Variants in PPP1R7 observed in about 807,000 individuals in gnomAD.
PPP1R7 encodes the protein protein phosphatase 1 regulatory subunit 22.
PPP1R7 carries 18 observed loss-of-function variants against 45.2 expected under a neutral mutation model. The observed-to-expected ratio is 0.40, with a 90% CI of 0.28 to 0.59. PPP1R7 has a LOEUF of 0.59. Among genes scored for constraint, PPP1R7 ranks in the 20% least tolerant of loss-of-function variants. The pLI is 0.46. For missense variants in PPP1R7, 314 were observed against 455.8 expected (o/e 0.69, Z 2.83); for synonymous variants, 181 against 183.4 (o/e 0.99, Z 0.11).
At chr2:241,160,222 T>G in intron 5 of PPP1R7, 110 bp from the exon 6 acceptor site, 260 of 576,772 alleles carry the variant, frequency 4.5e-4, no homozygotes, top group East Asian at 1.1e-3. Context: ...TCCCACCCGG[T>G]AGTGACTGCC....
In PPP1R7 at chr2:241,153,575, G is replaced by A; in HGVS notation, c.152G>A (p.Gly51Glu). 6.2e-7 allele frequency: 1 copy of A among 1,614,006 alleles called. No homozygotes were observed. The highest frequency in any genetic ancestry group is 2.2e-5 in the East Asian group (1 of 44,890). ...ADLSEQSLKDGEERGEEDPEE... is the reference protein window; with the variant it reads ...ADLSEQSLKDEEERGEEDPEE... ...CTCAGTGAACAGAGCCTGAAGGATG[G>A]GGAGGAGCGGGGGGAGGAGGACCCA... Residue 51 changes from glycine to glutamate, a missense_variant, in exon 2 of 10, where the codon GGG (glycine) becomes GAG (glutamate). Physicochemically the swap from Gly to Glu is moderately conservative, Grantham distance 98. Transcript: ENST00000234038.
At chr2:241,150,318 G>T, upstream of PPP1R7, 1 of 1,329,918 alleles carries the variant, frequency 7.5e-7, no homozygotes, top group South Asian at 2.2e-5. Flanking sequence ...TGGGGGAGGC[G>T]CGGCGCGCGG....
At chr2:241,178,318 C>G (rs1304161071) in intron 9 of PPP1R7, among the ~76,000 whole-genome samples, 2 of 152,206 alleles carry the variant, frequency 1.3e-5, no homozygotes, top group Non-Finnish European at 2.9e-5. Flanking sequence ...CCTTTTGTTC[C>G]CTCTTGATAC....
rs113780677 is a variant in PPP1R7 at position 241,159,453 on chromosome 2, C to A, written c.434+110C>A. 4.3e-6 allele frequency: 6 copies of A among 1,380,554 alleles called. No homozygotes were observed. In the African/African-American group the frequency reaches 5.8e-5, roughly 13 times the overall value. The allele number at this position is 1,380,554 out of a possible 1,614,324, so 85.5% of individuals were successfully genotyped here. A position where few individuals can be genotyped will look rare whatever the true frequency, so the allele number is the denominator to read the frequency against. On this transcript the variant is annotated intron_variant, in intron 5 of 9. Coordinates refer to ENST00000234038, the MANE Select transcript of PPP1R7 (RefSeq NM_002712.3). Reference sequence around the variant, plus strand: ...TGGCTCTTAGCCCTTGAGAGGCTGCCTCTGCCACAGGGTCCTGCCCTGCAT... The same window carrying A: ...TGGCTCTTAGCCCTTGAGAGGCTGCATCTGCCACAGGGTCCTGCCCTGCAT...
intron 2 of PPP1R7, among the ~76,000 whole-genome samples, chr2:241,154,179 CAAAAAAAA>C (rs1167747738): frequency 6.9e-4 from 35 of 50,494 alleles, no homozygotes; most frequent in Admixed American, 3.9e-3. Context: ...TACTCCTTCT[CAAAAAAAA>C]AAAAAAAAAA....
At chr2:241,174,553 T>A (rs1039867950) in intron 9 of PPP1R7, among the ~76,000 whole-genome samples, 1 of 152,102 alleles carries the variant, frequency 6.6e-6, no homozygotes, top group Non-Finnish European at 1.5e-5. Context: ...TCCTGAAAGT[T>A]CCTCCAGGCA....
rs376704667 is a variant in PPP1R7, at chr2:241,159,189, A to G, written c.304-24A>G. ...CGTGGCCTCCCCCTTGCCTGTGTCA[A>G]TTGTCCCTTTTCCCATCCCCCAGAC... On this transcript the variant is annotated intron_variant, in intron 4 of 9. Transcript: ENST00000234038. The G allele has an allele frequency of 2.5e-5, 40 of 1,611,144 alleles. No individual in the cohort carries two copies. The South Asian group carries it at 3.0e-4, about 12-fold the overall frequency.
intron 5 of PPP1R7, among the ~76,000 whole-genome samples, chr2:241,160,099 C>T (rs1218027370): frequency 1.3e-5 from 2 of 152,160 alleles, no homozygotes; most frequent in Non-Finnish European, 2.9e-5. Flanking sequence ...GCATCAGGAG[C>T]CTGTAGGCTG....
At chr2:241,182,206 G>A (rs2068017739) in intron 9 of PPP1R7, among the ~76,000 whole-genome samples, 1 of 152,244 alleles carries the variant, frequency 6.6e-6, no homozygotes, top group Admixed American at 6.5e-5. Flanking sequence ...GTAATTTACA[G>A]AAGAGTTGAG....
In PPP1R7 at chr2:241,156,599, A is replaced by G. The variant is rs148404882; in HGVS notation, c.182-1208A>G. On this transcript the variant is annotated intron_variant, in intron 2 of 9. Transcript: ENST00000234038. ...CCTAAGACAAGGATTGCTTGAGCCC[A>G]CAAGTTCAAGGCTGCAGTGAGCTAT... Among the ~76,000 whole-genome samples, 1,381 of 152,316 alleles carry G rather than the reference A, an allele frequency of 9.1e-3. 11 individuals carry two copies. The highest frequency in any genetic ancestry group is 0.013 in the Non-Finnish European group (863 of 68,024).
chr2:241,158,379 C>A, intron 3 of PPP1R7, 105 bp from the exon 4 acceptor site: 2 of 1,023,822 alleles, frequency 2.0e-6, no homozygotes, highest in Non-Finnish European at 3.1e-6. Context: ...ACCCACCTGG[C>A]ACTGCCTCCC....
At chr2:241,156,752 T>A (rs2067466308) in intron 2 of PPP1R7, among the ~76,000 whole-genome samples, 1 of 152,190 alleles carries the variant, frequency 6.6e-6, no homozygotes, top group Non-Finnish European at 1.5e-5. Flanking sequence ...ATTTGGATCA[T>A]AATGCAAGTA....
At chr2:241,162,844 A>G (rs1037470970) in intron 6 of PPP1R7, among the ~76,000 whole-genome samples, 7 of 152,024 alleles carry the variant, frequency 4.6e-5, no homozygotes, top group African/African-American at 1.7e-4. Context: ...CGCCACGCCC[A>G]GCTAATTTTT....
At chr2:241,179,009 G>A (rs2067956294) in intron 9 of PPP1R7, among the ~76,000 whole-genome samples, 2 of 151,838 alleles carry the variant, frequency 1.3e-5, no homozygotes, top group Non-Finnish European at 2.9e-5. Flanking sequence ...TATAATATCA[G>A]CCAAAAAAAT....
chr2:241,183,138 C>A lies in PPP1R7; in HGVS notation c.*315C>A. 2.4e-6 allele frequency: 1 copy of A among 411,006 alleles called. No homozygotes were observed. 25.5% of individuals were successfully genotyped at this position (411,006 alleles called of 1,614,324 possible). On this transcript the variant is annotated 3_prime_UTR_variant, in exon 10 of 10. Transcript: ENST00000234038. ...CTCAGAAGGCAGTCACAGTCCCTACCTGAGTCGTGTGAAACACAGGGCCTG... is the reference window on the plus strand; with the variant it reads ...CTCAGAAGGCAGTCACAGTCCCTACATGAGTCGTGTGAAACACAGGGCCTG...
chr2:241,167,071 G>A, intron 8 of PPP1R7: 2 of 1,611,882 alleles, frequency 1.2e-6, no homozygotes, highest in South Asian at 2.2e-5. Context: ...CGTACTGAGG[G>A]GAAGTGTGCT....
At chr2:241,157,195 G>A (rs1250342840) in intron 2 of PPP1R7, among the ~76,000 whole-genome samples, 1 of 152,202 alleles carries the variant, frequency 6.6e-6, no homozygotes, top group Non-Finnish European at 1.5e-5. Context: ...CCACTGAGAA[G>A]TGTGTTTAAA....
At position 241,176,884 on chromosome 2, in the gene PPP1R7, C is replaced by T. The variant is rs145768713; in HGVS notation, c.907-5763C>T. Among the ~76,000 whole-genome samples the T allele has an allele frequency of 1.3e-3, 191 of 152,298 alleles. 1 individual carries two copies. Among genetic ancestry groups the T allele is most frequent in the African/African-American group, 4.0e-3 (168 of 41,564 alleles). ...ATGGCAGCAGGCACTCTCGTGACTA[C>T]GGAGATAGCTGTGTTTCATACAAGT... On this transcript the variant is annotated intron_variant, in intron 9 of 9. Transcript: ENST00000234038.
At chr2:241,153,455 C>T in intron 1 of PPP1R7, 21 bp from the exon 2 acceptor site, 3 of 1,613,814 alleles carry the variant, frequency 1.9e-6, no homozygotes, top group East Asian at 2.2e-5. Flanking sequence ...TGTGAATTCT[C>T]ATTGACATGT....
Sources: gnomAD v4.1 joint callset for allele counts (sites outside exome capture counted in the v4.1 genomes callset) on GRCh38, gnomAD v4.1.1 for gene constraint, MANE v1.5 for transcripts, NCBI Gene and HGNC (gene_info 2026-07-23, HGNC 2026-07-21) for gene names.